UCHL3: variants seen among roughly 807,000 people sequenced by gnomAD.
The protein encoded by UCHL3 is ubiquitin C-terminal hydrolase L3, also known as ubiquitin carboxyl-terminal hydrolase isozyme L3.
A neutral mutation model predicts 35.8 loss-of-function variants in UCHL3; 22 were observed. The observed-to-expected ratio is 0.61, with a 90% CI of 0.44 to 0.88. The LOEUF is 0.88. Ranked by LOEUF, UCHL3 falls within the 40% of genes least tolerant of loss-of-function variation. The pLI is 0.00. For missense variants in UCHL3, 229 were observed against 276.9 expected (o/e 0.83, Z 1.23); for synonymous variants, 90 against 92.8 (o/e 0.97, Z 0.17).
At chr13:75,556,971 C>T (rs2031312790) in intron 2 of UCHL3, among the ~76,000 whole-genome samples, 1 of 152,126 alleles carries the variant, frequency 6.6e-6, no homozygotes, top group Non-Finnish European at 1.5e-5. Context: ...CTAGTGAGCA[C>T]TTTGGGAGGC....
At chr13:75,584,317 C>G (rs539290459) in intron 6 of UCHL3, among the ~76,000 whole-genome samples, 1 of 152,254 alleles carries the variant, frequency 6.6e-6, no homozygotes, top group South Asian at 2.1e-4. Context: ...GAGACCTTCT[C>G]TGAGGCATAG....
At chr13:75,551,019 C>T (rs2031085331) in intron 2 of UCHL3, among the ~76,000 whole-genome samples, 1 of 152,120 alleles carries the variant, frequency 6.6e-6, no homozygotes, top group Non-Finnish European at 1.5e-5. Context: ...CTCTTTTCCC[C>T]CTAGTTTGCT....
chr13:75,550,014 C>T (rs1457074929), intron 2 of UCHL3, 27 bp downstream of exon 2: 6 of 1,614,202 alleles, frequency 3.7e-6, no homozygotes, highest in South Asian at 1.1e-5. Context: ...TCGCTCGGGA[C>T]CTCGGAGTCT....
intron 3 of UCHL3, among the ~76,000 whole-genome samples, chr13:75,565,760 A>G (rs1230530817): frequency 2.0e-5 from 3 of 152,206 alleles, no homozygotes; most frequent in African/African-American, 4.8e-5. Flanking sequence ...TAAACAAAAC[A>G]ATAAAATCAT....
intron 6 of UCHL3, among the ~76,000 whole-genome samples, chr13:75,581,519 T>G (rs1265778645): frequency 8.9e-6 from 1 of 111,970 alleles, no homozygotes; most frequent in African/African-American, 2.9e-5. Context: ...CTGGCTAATT[T>G]TTTTTTTTTT....
chr13:75,566,026 T>A (rs2031672623), intron 3 of UCHL3, among the ~76,000 whole-genome samples: 1 of 152,210 alleles, frequency 6.6e-6, no homozygotes, highest in Non-Finnish European at 1.5e-5. Context: ...ATAATGTGAA[T>A]TTTATAAATA....
Position 75,580,707 on chromosome 13 carries a change from G to A in UCHL3, c.474+11200G>A, listed in dbSNP as rs555591801. Among the ~76,000 whole-genome samples the A allele has an allele frequency of 3.3e-5, 5 of 152,254 alleles. No homozygotes were observed. In the South Asian group the frequency reaches 8.3e-4, roughly 25 times the overall value. On this transcript the variant is annotated intron_variant, in intron 6 of 8. Coordinates refer to ENST00000377595, the MANE Select transcript of UCHL3 (RefSeq NM_006002.5). ...TCATGTTATGGGGCAGGCTAACTAA[G>A]TGCTGTATCTACCCTAGTTTGATCC...
At chr13:75,568,016 A>C (rs1334628888) in intron 5 of UCHL3, among the ~76,000 whole-genome samples, 1 of 152,180 alleles carries the variant, frequency 6.6e-6, no homozygotes, top group Non-Finnish European at 1.5e-5. Context: ...ACATTAGACC[A>C]TACTGTAGCT....
rs1008503854 is a variant in UCHL3, at chr13:75,550,019, G to T, written c.54+32G>T. 3.7e-6 allele frequency: 6 copies of T among 1,614,102 alleles called. No individual in the cohort carries two copies. The African/African-American group carries it at 8.0e-5, about 22-fold the overall frequency. ...GAGGTGTCTGTCGCTCGGGACCTCGGAGTCTTTTCTGTCTGCTCGGTCCGC... is the reference window on the plus strand; with the variant it reads ...GAGGTGTCTGTCGCTCGGGACCTCGTAGTCTTTTCTGTCTGCTCGGTCCGC... On this transcript the variant is annotated intron_variant, in intron 2 of 8. Transcript: ENST00000377595.
intron 6 of UCHL3, among the ~76,000 whole-genome samples, chr13:75,578,843 A>T (rs1352575535): frequency 6.6e-6 from 1 of 152,040 alleles, no homozygotes; most frequent in East Asian, 1.9e-4. Context: ...TATATACATA[A>T]TTAAAGATAC....
At chr13:75,598,739 T>G (rs1323704182) in intron 7 of UCHL3, among the ~76,000 whole-genome samples, 1 of 152,214 alleles carries the variant, frequency 6.6e-6, no homozygotes, top group African/African-American at 2.4e-5. Flanking sequence ...GTTTAGTGAC[T>G]TTTAGGTAGT....
At chr13:75,573,553 T>C (rs1171131816) in intron 6 of UCHL3, among the ~76,000 whole-genome samples, 1 of 152,178 alleles carries the variant, frequency 6.6e-6, no homozygotes, top group Non-Finnish European at 1.5e-5. Context: ...TCCTGGCTTG[T>C]AGACTACCAC....
chr13:75,603,953 C>G (rs1445795303), intron 7 of UCHL3, among the ~76,000 whole-genome samples: 1 of 151,778 alleles, frequency 6.6e-6, no homozygotes, highest in East Asian at 1.9e-4. Flanking sequence ...ATTAATATTA[C>G]TTTTTATGGA....
intron 6 of UCHL3, among the ~76,000 whole-genome samples, chr13:75,571,524 T>C (rs2138504899): frequency 6.6e-6 from 1 of 152,342 alleles, no homozygotes; most frequent in South Asian, 2.1e-4. Flanking sequence ...TTTTTCCCAC[T>C]GTAACTATCT....
chr13:75,575,252 GTC>G (rs1462354219), intron 6 of UCHL3, among the ~76,000 whole-genome samples: 1 of 152,148 alleles, frequency 6.6e-6, no homozygotes, highest in Non-Finnish European at 1.5e-5. Context: ...CACCGTGATT[GTC>G]TGGTAGATCA....
chr13:75,561,803 G>A (rs1314514537), intron 3 of UCHL3, among the ~76,000 whole-genome samples: 5 of 31,582 alleles, frequency 1.6e-4, no homozygotes, highest in Admixed American at 1.2e-3. Context: ...ATATGTATAC[G>A]TATACATACG....
chr13:75,582,317 T>G (rs2032209737), intron 6 of UCHL3, among the ~76,000 whole-genome samples: 1 of 152,222 alleles, frequency 6.6e-6, no homozygotes, highest in Non-Finnish European at 1.5e-5. Flanking sequence ...ATCTGCATTT[T>G]AAAATTCCTC....
Position 75,606,007 on chromosome 13 carries a change from T to G in UCHL3, c.*195T>G. 1 of 541,638 alleles carries G rather than the reference T, an allele frequency of 1.8e-6. No individual in the cohort carries two copies. Among genetic ancestry groups the G allele is most frequent in the Non-Finnish European group, 3.3e-6 (1 of 306,286 alleles). 33.6% of individuals were successfully genotyped at this position (541,638 alleles called of 1,614,324 possible). A position where few individuals can be genotyped will look rare whatever the true frequency, so the allele number is the denominator to read the frequency against. On this transcript the variant is annotated 3_prime_UTR_variant, in exon 9 of 9. Transcript: ENST00000377595. ...GCAATGCTTTCCTCCTCTTTTCTTG[T>G]GAAGGATTTATCTTGTTTGAAAACT...
At chr13:75,579,971 GTATTA>G (rs1204900632) in intron 6 of UCHL3, among the ~76,000 whole-genome samples, 1 of 152,068 alleles carries the variant, frequency 6.6e-6, no homozygotes, top group Non-Finnish European at 1.5e-5. Flanking sequence ...AGATGTACAG[GTATTA>G]TATTAATAGA....
Sources: allele counts gnomAD v4.1 joint callset (sites outside exome capture counted in the v4.1 genomes callset), GRCh38; gene constraint gnomAD v4.1.1; transcripts MANE v1.5; gene names NCBI Gene and HGNC (gene_info 2026-07-23, HGNC 2026-07-21).